RORA: variants seen among roughly 807,000 people sequenced by gnomAD.
The protein encoded by RORA is nuclear receptor ROR-alpha.
Under a neutral mutation model 69.5 loss-of-function variants are expected in RORA, and 7 were observed. That is an observed-to-expected ratio of 0.10 (90% CI 0.06 to 0.19). The LOEUF (loss-of-function observed/expected upper bound fraction) is 0.19. Ranked by LOEUF, RORA falls within the 10% of genes least tolerant of loss-of-function variation. RORA has a pLI of 1.00. For missense variants in RORA, 457 were observed against 663.0 expected (o/e 0.69, Z 3.41); for synonymous variants, 261 against 240.8 (o/e 1.08, Z -0.78).
intron 1 of RORA, among the ~76,000 whole-genome samples, chr15:60,976,952 A>C (rs911986585): frequency 6.6e-6 from 1 of 152,182 alleles, no homozygotes; most frequent in Non-Finnish European, 1.5e-5. Context: ...ACTTCTGTTT[A>C]GGTGACCATG....
chr15:61,098,165 C>CT (rs1171307680), intron 1 of RORA, among the ~76,000 whole-genome samples: 1 of 83,126 alleles, frequency 1.2e-5, no homozygotes. Context: ...CCCTTCCTTC[C>CT]TTTCCCCCTT....
At chr15:60,647,370 A>G (rs2070065093) in intron 2 of RORA, among the ~76,000 whole-genome samples, 1 of 152,214 alleles carries the variant, frequency 6.6e-6, no homozygotes, top group Admixed American at 6.5e-5. Flanking sequence ...AGCCCTGCAT[A>G]GGTGACACCC....
intron 2 of RORA, chr15:60,592,349 G>A: frequency 2.9e-6 from 4 of 1,365,060 alleles, no homozygotes; most frequent in South Asian, 3.3e-5. Flanking sequence ...CCCCGGAGCC[G>A]CCAGCCCACC....
chr15:60,597,549 AAC>A (rs2068700389), intron 2 of RORA, among the ~76,000 whole-genome samples: 1 of 37,560 alleles, frequency 2.7e-5, no homozygotes, highest in African/African-American at 1.1e-4. Flanking sequence ...ACACACACAC[AAC>A]ATATATATAT....
rs569468540 is a variant in RORA at position 60,503,793 on chromosome 15, G to A, written c.943-126C>T. On this transcript the variant is annotated intron_variant, in intron 6 of 10. Transcript: ENST00000335670. ...CTGGGCCACGAAGAGTGGCAAAGTG[G>A]GATCTTATTTTATTTTATTTTATTT... 9.2e-6 allele frequency: 10 copies of A among 1,091,802 alleles called. No homozygotes were observed. The East Asian group carries it at 1.8e-4, about 20-fold the overall frequency. The allele number at this position is 1,091,802 out of a possible 1,614,324, so 67.6% of individuals were successfully genotyped here. A position where few individuals can be genotyped will look rare whatever the true frequency, so the allele number is the denominator to read the frequency against.
chr15:60,840,904 T>C (rs1054838489), intron 1 of RORA, among the ~76,000 whole-genome samples: 1 of 152,184 alleles, frequency 6.6e-6, no homozygotes, highest in Non-Finnish European at 1.5e-5. Context: ...CGAAAGCTGT[T>C]ACCCAAAAAA....
intron 1 of RORA, among the ~76,000 whole-genome samples, chr15:61,169,032 T>G (rs1170729319): frequency 6.6e-6 from 1 of 152,216 alleles, no homozygotes; most frequent in Non-Finnish European, 1.5e-5. Context: ...GCCTCCATCC[T>G]GCTGGATCTC....
rs534815784 is a variant in RORA, at chr15:61,075,733, AG to A, written c.166+153319del. Among the ~76,000 whole-genome samples the A allele has an allele frequency of 3.2e-3, 494 of 152,292 alleles. 2 individuals are homozygous for A. Among genetic ancestry groups the A allele is most frequent in the Non-Finnish European group, 4.9e-3 (335 of 68,018 alleles). ...TAGAGCAGAGCTGTGCCTTGACCCA[AG>A]TCTTCCATGTCTAAACCTCCTCGCG... is the stretch of plus-strand genomic sequence containing the variant. On this transcript the variant is annotated intron_variant, in intron 1 of 10. Transcript: ENST00000335670.
rs551072168 is a variant in RORA at position 61,137,019 on chromosome 15, A to AAAAGAAAGAAAGAAAGAAAG, written c.166+92014_166+92033dup. Among the ~76,000 whole-genome samples, 66 of 61,168 alleles carry AAAAGAAAGAAAGAAAGAAAG rather than the reference A, an allele frequency of 1.1e-3. 5 individuals are homozygous for AAAAGAAAGAAAGAAAGAAAG. Among genetic ancestry groups the AAAAGAAAGAAAGAAAGAAAG allele is most frequent in the Middle Eastern group, 9.3e-3 (1 of 108 alleles). The allele number at this position is 61,168 out of a possible 152,430, so 40.1% of individuals were successfully genotyped here. ...AGAGTCCCCTCTAAAAAATAAATAA[A>AAAAGAAAGAAAGAAAGAAAG]AAAGAAAGAAAGAAAGAAAGAAAGA... On this transcript the variant is annotated intron_variant, in intron 1 of 10. Coordinates refer to ENST00000335670, the MANE Select transcript of RORA (RefSeq NM_134261.3).
chr15:60,695,357 G>A (rs1407501738), intron 1 of RORA, among the ~76,000 whole-genome samples: 1 of 152,082 alleles, frequency 6.6e-6, no homozygotes, highest in Non-Finnish European at 1.5e-5. Flanking sequence ...TGTCACTTGA[G>A]ACCCTGTTGA....
chr15:60,785,265 CATGCCCTCAG>C (rs1287300790), intron 1 of RORA, among the ~76,000 whole-genome samples: 1 of 152,182 alleles, frequency 6.6e-6, no homozygotes, highest in Non-Finnish European at 1.5e-5. Context: ...AGGCTTGATC[CATGCCCTCAG>C]ATGGTCTACC....
chr15:60,798,833 C>T (rs973995467), intron 1 of RORA, among the ~76,000 whole-genome samples: 1 of 152,016 alleles, frequency 6.6e-6, no homozygotes, highest in Non-Finnish European at 1.5e-5. Context: ...TATCCCCACT[C>T]TAAAGTGGAG....
intron 2 of RORA, among the ~76,000 whole-genome samples, chr15:60,602,159 C>A (rs1040122356): frequency 6.6e-6 from 1 of 152,054 alleles, no homozygotes; most frequent in East Asian, 1.9e-4. Flanking sequence ...TGAAATATAA[C>A]AGAGGTAATG....
intron 1 of RORA, among the ~76,000 whole-genome samples, chr15:60,687,533 T>A (rs2070766656): frequency 6.6e-6 from 1 of 152,174 alleles, no homozygotes; most frequent in African/African-American, 2.4e-5. Context: ...GCAGATCACT[T>A]GAGGTCAGGA....
At chr15:61,089,652 T>C (rs1446215447) in intron 1 of RORA, among the ~76,000 whole-genome samples, 2 of 152,132 alleles carry the variant, frequency 1.3e-5, no homozygotes, top group African/African-American at 4.8e-5. Flanking sequence ...ATGAAAAAGA[T>C]CACCTTGATC....
At chr15:60,765,236 T>A (rs921282937) in intron 1 of RORA, 2 of 152,094 alleles carry the variant, frequency 1.3e-5, no homozygotes, top group Non-Finnish European at 2.9e-5. Flanking sequence ...TTTCTTACTG[T>A]TTACATCTAT....
chr15:60,835,400 A>T (rs2073102916), intron 1 of RORA, among the ~76,000 whole-genome samples: 1 of 152,252 alleles, frequency 6.6e-6, no homozygotes, highest in African/African-American at 2.4e-5. Flanking sequence ...ACTAAAACGA[A>T]GAGGGTAAGC....
At chr15:61,067,837 C>T (rs184901510) in intron 1 of RORA, among the ~76,000 whole-genome samples, 51 of 152,282 alleles carry the variant, frequency 3.3e-4, no homozygotes, top group Admixed American at 9.1e-4. Context: ...ATACTAAATG[C>T]GTTTGCCCTT....
intron 1 of RORA, among the ~76,000 whole-genome samples, chr15:61,057,205 C>T (rs2078108476): frequency 6.6e-6 from 1 of 152,206 alleles, no homozygotes; most frequent in South Asian, 2.1e-4. Flanking sequence ...GCTCTTGGAA[C>T]ATCTACATAA....
Sources: allele counts gnomAD v4.1 joint callset (sites outside exome capture counted in the v4.1 genomes callset), GRCh38; gene constraint gnomAD v4.1.1; transcripts MANE v1.5; gene names NCBI Gene and HGNC (gene_info 2026-07-23, HGNC 2026-07-21).